AKT3: variants seen among roughly 807,000 people sequenced by gnomAD.
AKT3 encodes RAC-gamma serine/threonine-protein kinase.
AKT3 carries 15 observed loss-of-function variants against 65.3 expected under a neutral mutation model. The ratio of observed to expected loss-of-function variants is 0.23; its 90% confidence interval spans 0.15 to 0.35. The LOEUF (loss-of-function observed/expected upper bound fraction) is 0.35. Ranked by LOEUF, AKT3 falls within the 10% of genes least tolerant of loss-of-function variation. AKT3 has a pLI of 1.00. For missense variants in AKT3, 243 were observed against 576.5 expected (o/e 0.42, Z 5.92); for synonymous variants, 206 against 183.8 (o/e 1.12, Z -0.98).
At chr1:243,658,820 G>C (rs1485157629) in intron 4 of AKT3, among the ~76,000 whole-genome samples, 1 of 148,144 alleles carries the variant, frequency 6.8e-6, no homozygotes, top group Non-Finnish European at 1.5e-5. Context: ...TTGAGGCCAG[G>C]AGTTCCAGAC....
chr1:243,496,784 GAACTT>G (rs1260455481), downstream of AKT3, among the ~76,000 whole-genome samples: 3 of 152,244 alleles, frequency 2.0e-5, no homozygotes, highest in Non-Finnish European at 4.4e-5. Flanking sequence ...CTTACACTCA[GAACTT>G]AACAAACTTT....
intron 4 of AKT3, among the ~76,000 whole-genome samples, chr1:243,654,036 A>G (rs1279644741): frequency 1.3e-5 from 2 of 151,936 alleles, no homozygotes; most frequent in African/African-American, 4.8e-5. Flanking sequence ...TTATTTTTAT[A>G]TATATCCTTA....
rs1365848604 is a variant in AKT3, at chr1:243,504,612, C to G, written c.*637G>C. On this transcript the variant is annotated 3_prime_UTR_variant, in exon 14 of 14. Coordinates refer to ENST00000673466, the MANE Select transcript of AKT3 (RefSeq NM_005465.7). Reference sequence around the variant, plus strand: ...TGATATGGGCTTCTTCTACAGTATCCACCAGGAATTTAAAAAAAAAAAATT... The same window carrying G: ...TGATATGGGCTTCTTCTACAGTATCGACCAGGAATTTAAAAAAAAAAAATT... The G allele has an allele frequency of 5.6e-6, 1 of 179,122 alleles. No individual in the cohort carries two copies. The highest frequency in any genetic ancestry group is 2.0e-4 in the South Asian group (1 of 5,038). 11.1% of individuals were successfully genotyped at this position (179,122 alleles called of 1,614,324 possible). A position where few individuals can be genotyped will look rare whatever the true frequency, so the allele number is the denominator to read the frequency against.
At chr1:243,599,723 A>G (rs532072814) in intron 8 of AKT3, among the ~76,000 whole-genome samples, 12 of 152,150 alleles carry the variant, frequency 7.9e-5, no homozygotes, top group Non-Finnish European at 1.6e-4. Flanking sequence ...ACAGCTAACA[A>G]CATGGTTAAT....
intron 8 of AKT3, among the ~76,000 whole-genome samples, chr1:243,591,587 A>T (rs1301145420): frequency 6.6e-6 from 1 of 152,246 alleles, no homozygotes; most frequent in Non-Finnish European, 1.5e-5. Flanking sequence ...GAATAGAAAC[A>T]GACTGAGAAA....
chr1:243,720,600 A>T (rs966391241), intron 2 of AKT3, among the ~76,000 whole-genome samples: 2 of 152,096 alleles, frequency 1.3e-5, no homozygotes, highest in Non-Finnish European at 2.9e-5. Flanking sequence ...GCTCTGGTCT[A>T]AAAGATGTGA....
At chr1:243,624,040 T>C (rs796526551) in intron 6 of AKT3, among the ~76,000 whole-genome samples, 6 of 152,330 alleles carry the variant, frequency 3.9e-5, no homozygotes, top group African/African-American at 1.4e-4. Flanking sequence ...TTTCTGAGTC[T>C]TGTGAGTCAT....
At chr1:243,611,831 C>T (rs557443735) in intron 8 of AKT3, among the ~76,000 whole-genome samples, 38 of 152,250 alleles carry the variant, frequency 2.5e-4, no homozygotes, top group Admixed American at 2.5e-3. Context: ...GTGATTCTGC[C>T]CATCCCATCC....
chr1:243,587,734 AG>A (rs1675913221), intron 8 of AKT3, among the ~76,000 whole-genome samples: 2 of 152,224 alleles, frequency 1.3e-5, no homozygotes, highest in South Asian at 4.1e-4. Flanking sequence ...ACCAGGTTGA[AG>A]AAAAATTAGA....
At chr1:243,822,466 T>TA (rs754043685) in intron 2 of AKT3, among the ~76,000 whole-genome samples, 4,834 of 100,104 alleles carry the variant, frequency 0.048, 108 homozygotes, top group Non-Finnish European at 0.066. Flanking sequence ...TAAAAACCCT[T>TA]CAAAAAAAAA....
intron 2 of AKT3, among the ~76,000 whole-genome samples, chr1:243,775,513 C>G (rs563611497): frequency 3.3e-5 from 5 of 152,108 alleles, no homozygotes; most frequent in Non-Finnish European, 7.4e-5. Context: ...ACTCACCCAC[C>G]GGCCATCTTA....
At chr1:243,763,759 CTT>C (rs978016978) in intron 2 of AKT3, among the ~76,000 whole-genome samples, 18 of 152,082 alleles carry the variant, frequency 1.2e-4, no homozygotes, top group Non-Finnish European at 4.4e-5. Flanking sequence ...TGACCAGTGT[CTT>C]TGAGTAAAAA....
chr1:243,760,642 G>A (rs1224353951), intron 2 of AKT3, among the ~76,000 whole-genome samples: 7 of 152,004 alleles, frequency 4.6e-5, no homozygotes, highest in Non-Finnish European at 8.8e-5. Flanking sequence ...GCTGAACAAG[G>A]TGTCACTCAG....
At chr1:243,620,104 G>A (rs906283345) in intron 6 of AKT3, among the ~76,000 whole-genome samples, 6 of 98,126 alleles carry the variant, frequency 6.1e-5, no homozygotes, top group African/African-American at 1.6e-4. Flanking sequence ...GGAGGTGACT[G>A]GGATCAGGGG....
At chr1:243,795,468 T>TG (rs1691921300) in intron 2 of AKT3, among the ~76,000 whole-genome samples, 1 of 99,142 alleles carries the variant, frequency 1.0e-5, no homozygotes, top group Non-Finnish European at 2.3e-5. Context: ...TTTTGTTTTT[T>TG]TTTTTTGGTT....
chr1:243,625,693 G>A (rs1679107933), intron 6 of AKT3, among the ~76,000 whole-genome samples: 1 of 152,174 alleles, frequency 6.6e-6, no homozygotes. Context: ...ATCTTGCCTT[G>A]TGAACTGGTA....
At chr1:243,596,832 T>G (rs528674817) in intron 8 of AKT3, among the ~76,000 whole-genome samples, 19 of 152,218 alleles carry the variant, frequency 1.2e-4, no homozygotes, top group Non-Finnish European at 2.2e-4. Flanking sequence ...AATGGTGGTA[T>G]AGCTGTGCAA....
At chr1:243,611,644 A>G (rs1369361103) in intron 8 of AKT3, among the ~76,000 whole-genome samples, 2 of 151,858 alleles carry the variant, frequency 1.3e-5, no homozygotes, top group African/African-American at 4.8e-5. Flanking sequence ...AGATGGCACC[A>G]CTACAATCCA....
In AKT3 at chr1:243,837,852, C is replaced by T. The variant is rs1023876620; in HGVS notation, c.46+5273G>A. Among the ~76,000 whole-genome samples the T allele has an allele frequency of 2.6e-5, 4 of 152,168 alleles. No individual in the cohort carries two copies. In the South Asian group the frequency reaches 8.3e-4, roughly 31 times the overall value. ...TAAAGCAAAATATCCACTCTTACCACTTTTATTCAACAATGTACTGGAGGT... is the reference window on the plus strand; with the variant it reads ...TAAAGCAAAATATCCACTCTTACCATTTTTATTCAACAATGTACTGGAGGT... On this transcript the variant is annotated intron_variant, in intron 2 of 13. Coordinates refer to ENST00000673466, the MANE Select transcript of AKT3 (RefSeq NM_005465.7).
Sources: allele counts gnomAD v4.1 joint callset (sites outside exome capture counted in the v4.1 genomes callset), GRCh38; gene constraint gnomAD v4.1.1; transcripts MANE v1.5; gene names NCBI Gene and HGNC (gene_info 2026-07-23, HGNC 2026-07-21).